Variants in TRAPPC9 observed in about 807,000 individuals in gnomAD.
TRAPPC9 encodes the protein trafficking protein particle complex subunit 9.
A neutral mutation model predicts 124.0 loss-of-function variants in TRAPPC9; 83 were observed. The ratio of observed to expected loss-of-function variants is 0.67; its 90% CI spans 0.56 to 0.80. The LOEUF (loss-of-function observed/expected upper bound fraction) is 0.80. Ranked by LOEUF, TRAPPC9 falls within the 30% of genes least tolerant of loss-of-function variation. TRAPPC9 has a pLI of 0.00. For synonymous variants in TRAPPC9, 638 were observed against 617.5 expected (o/e 1.03, Z -0.49); for missense variants, 1,302 against 1,508.3 (o/e 0.86, Z 2.27).
At chr8:139,823,897 A>C (rs572422266) in intron 21 of TRAPPC9, among the ~76,000 whole-genome samples, 5 of 152,256 alleles carry the variant, frequency 3.3e-5, no homozygotes, top group African/African-American at 1.2e-4. Flanking sequence ...AGGCCCTCTC[A>C]CCCACCCTTG....
In TRAPPC9 at chr8:139,764,075, G is replaced by A. The variant is rs188376085; in HGVS notation, c.3056-31873C>T. ...CAGAAGCCAAGTGAAGAAGGGCCTTGGGAGGAGGGAGCTATCAGTGATGGC... is the reference window on the plus strand; with the variant it reads ...CAGAAGCCAAGTGAAGAAGGGCCTTAGGAGGAGGGAGCTATCAGTGATGGC... On this transcript the variant is annotated intron_variant, in intron 21 of 22. Coordinates refer to ENST00000438773, the MANE Select transcript of TRAPPC9 (RefSeq NM_001160372.4). 7.2e-5 allele frequency among the ~76,000 whole-genome samples: 11 copies of A among 152,330 alleles called. No individual in the cohort carries two copies. In the East Asian group the frequency reaches 2.1e-3, roughly 29 times the overall value.
At chr8:140,074,166 A>G (rs946645423) in intron 17 of TRAPPC9, among the ~76,000 whole-genome samples, 1 of 152,168 alleles carries the variant, frequency 6.6e-6, no homozygotes, top group East Asian at 1.9e-4. Flanking sequence ...CAGGGCAGGT[A>G]AGCAGACCTC....
intron 19 of TRAPPC9, among the ~76,000 whole-genome samples, chr8:139,928,123 G>A (rs1832916683): frequency 6.6e-6 from 1 of 152,156 alleles, no homozygotes; most frequent in Non-Finnish European, 1.5e-5. Context: ...CAAAAGACAA[G>A]CCCTGTGAAA....
At chr8:139,867,658 C>G (rs1252457988) in intron 21 of TRAPPC9, among the ~76,000 whole-genome samples, 2 of 152,224 alleles carry the variant, frequency 1.3e-5, no homozygotes, top group African/African-American at 4.8e-5. Flanking sequence ...ACTTTTGTGA[C>G]ATTCCTGCCA....
chr8:140,082,257 T>TG (rs986170679), intron 17 of TRAPPC9: 14 of 152,124 alleles, frequency 9.2e-5, no homozygotes, highest in Non-Finnish European at 1.6e-4. Flanking sequence ...ATTTTTTTTT[T>TG]TCCCTAAGAA....
chr8:139,898,054 G>A (rs560817855), intron 20 of TRAPPC9, among the ~76,000 whole-genome samples: 3 of 152,356 alleles, frequency 2.0e-5, no homozygotes, highest in African/African-American at 4.8e-5. Context: ...GGCCAATAAC[G>A]GTGTCAGCTC....
At chr8:140,397,784 T>A (rs562119515) in intron 6 of TRAPPC9, 39 bp from the exon 7 acceptor site, 1 of 1,611,880 alleles carries the variant, frequency 6.2e-7, no homozygotes, top group Non-Finnish European at 8.5e-7. Context: ...CAAAAAAGAG[T>A]TCAGATGTTT....
At chr8:139,747,585 C>G (rs1176574898) in intron 21 of TRAPPC9, among the ~76,000 whole-genome samples, 1 of 47,260 alleles carries the variant, frequency 2.1e-5, no homozygotes, top group African/African-American at 9.7e-5. Flanking sequence ...GTGGGGGTGT[C>G]CCGGGGTCAG....
intron 21 of TRAPPC9, among the ~76,000 whole-genome samples, chr8:139,781,922 A>G (rs1319712431): frequency 6.6e-6 from 1 of 152,256 alleles, no homozygotes; most frequent in Non-Finnish European, 1.5e-5. Context: ...AACAAACAGA[A>G]GATGATATAC....
In TRAPPC9 at chr8:140,360,098, G is replaced by A; in HGVS notation, c.1447C>T (p.His483Tyr). 6.2e-7 allele frequency: 1 copy of A among 1,614,236 alleles called. No individual in the cohort carries two copies. Among genetic ancestry groups the A allele is most frequent in the Non-Finnish European group, 8.5e-7 (1 of 1,180,046 alleles). Residue 483 changes from histidine to tyrosine, a missense_variant, in exon 9 of 23, where the codon CAC becomes TAC. Around this residue, in one of 3 missense-constraint regions of TRAPPC9, gnomAD observed 657 missense variants for 811.2 expected, o/e 0.81. Coordinates refer to ENST00000438773, the MANE Select transcript of TRAPPC9 (RefSeq NM_001160372.4). Reference sequence around the variant, plus strand: ...ATGGTCTGTAGAAGGAAGGACAGGTGTCTGACAGAGAGGGCAGGGTTCCCC... The same window carrying A: ...ATGGTCTGTAGAAGGAAGGACAGGTATCTGACAGAGAGGGCAGGGTTCCCC... ...RMGNPALSVR[H>Y]LSFLLQTMLD... is the part of the protein sequence containing the mutation.
intron 10 of TRAPPC9, among the ~76,000 whole-genome samples, chr8:140,307,168 T>C (rs2066160885): frequency 6.6e-6 from 1 of 152,208 alleles, no homozygotes; most frequent in African/African-American, 2.4e-5. Context: ...AAAAGGCACC[T>C]GCTCTCTTTT....
At chr8:140,164,424 C>T (rs751825808) in intron 17 of TRAPPC9, among the ~76,000 whole-genome samples, 1 of 152,228 alleles carries the variant, frequency 6.6e-6, no homozygotes, top group African/African-American at 2.4e-5. Flanking sequence ...CTGGACAATG[C>T]CTTGGTTTCT....
chr8:139,760,072 G>C (rs1202222557), intron 21 of TRAPPC9, among the ~76,000 whole-genome samples: 2 of 152,250 alleles, frequency 1.3e-5, no homozygotes, highest in Non-Finnish European at 2.9e-5. Flanking sequence ...GTGTGCGTTT[G>C]TGCACAGTGT....
chr8:140,147,654 C>T (rs928544329), intron 17 of TRAPPC9, among the ~76,000 whole-genome samples: 2 of 152,226 alleles, frequency 1.3e-5, no homozygotes, highest in Admixed American at 1.3e-4. Context: ...CTTCAATGAG[C>T]ATAATGACAG....
intron 17 of TRAPPC9, among the ~76,000 whole-genome samples, chr8:140,173,311 T>A (rs1452105102): frequency 6.6e-6 from 1 of 152,002 alleles, no homozygotes; most frequent in Non-Finnish European, 1.5e-5. Flanking sequence ...TCCCAACACT[T>A]TGGGAGGCCG....
At chr8:139,947,599 C>T (rs999629786) in intron 19 of TRAPPC9, among the ~76,000 whole-genome samples, 13 of 151,978 alleles carry the variant, frequency 8.6e-5, no homozygotes, top group Admixed American at 3.3e-4. Context: ...GTGGCTCACG[C>T]CTGTAATCCC....
intron 19 of TRAPPC9, among the ~76,000 whole-genome samples, chr8:139,919,027 C>A (rs565361321): frequency 2.0e-4 from 30 of 152,346 alleles, no homozygotes; most frequent in South Asian, 1.2e-3. Context: ...GCCTCTGACA[C>A]ACAGCATGCA....
At chr8:139,964,406 G>A (rs924039463) in intron 19 of TRAPPC9, among the ~76,000 whole-genome samples, 1 of 152,046 alleles carries the variant, frequency 6.6e-6, no homozygotes, top group Admixed American at 6.6e-5. Context: ...CTCTCACAGA[G>A]CACTAACTCA....
chr8:139,785,846 C>A (rs1822198198), intron 21 of TRAPPC9, among the ~76,000 whole-genome samples: 1 of 152,096 alleles, frequency 6.6e-6, no homozygotes, highest in African/African-American at 2.4e-5. Flanking sequence ...TATGTACTTG[C>A]AAATCATCAA....
Sources: gnomAD v4.1 joint callset for allele counts (sites outside exome capture counted in the v4.1 genomes callset) on GRCh38, gnomAD v4.1.1 for gene constraint, gnomAD v4.1.1 regional missense constraint, MANE v1.5 for transcripts, NCBI Gene and HGNC (gene_info 2026-07-23, HGNC 2026-07-21) for gene names.